Variants in NAA25 observed in about 807,000 individuals in gnomAD.
NAA25 encodes N-terminal acetyltransferase B complex subunit NAA25.
In NAA25, 30 loss-of-function variants were observed where a neutral mutation model predicts 132.5. The ratio of observed to expected loss-of-function variants is 0.23; its 90% CI spans 0.17 to 0.31. The LOEUF (loss-of-function observed/expected upper bound fraction) is 0.31, where lower values mean the gene tolerates loss of function less well. Ranked by LOEUF, NAA25 falls within the 10% of genes least tolerant of loss-of-function variation. The probability of loss-of-function intolerance (pLI) is 1.00; values close to 1 mark genes in which losing one functional copy is unlikely to be tolerated. For missense variants in NAA25, 771 were observed against 1,150.4 expected, an observed-to-expected ratio of 0.67 and a Z score of 4.77; for synonymous variants, 359 against 401.9, an observed-to-expected ratio of 0.89 and a Z score of 1.28.
chr12:112,064,973 G>A (rs1445974852), intron 11 of NAA25, among the ~76,000 whole-genome samples: 3 of 152,202 alleles, frequency 2.0e-5, no homozygotes, highest in African/African-American at 4.8e-5. Context: ...GGTGGAGGTT[G>A]CAGTGAGCCG....
At chr12:112,051,053 G>C (rs1305561758) in intron 15 of NAA25, among the ~76,000 whole-genome samples, 1 of 152,166 alleles carries the variant, frequency 6.6e-6, no homozygotes, top group African/African-American at 2.4e-5. Flanking sequence ...GATTTGAAGA[G>C]AGATATTTCT....
rs759148501 is a variant in NAA25, at chr12:112,086,073, T to TATATATATATATATATATATACAC, written c.402+1609_402+1610insGTGTATATATATATATATATATAT. Reference sequence around the variant, plus strand: ...AAAAATATATATATATATATATATATACACACACACACACACACACACACA... The same window carrying TATATATATATATATATATATACAC: ...AAAAATATATATATATATATATATATATATATATATATATATATATACACACACACACACACACACACACACACA... On this transcript the variant is annotated intron_variant, in intron 4 of 23. Transcript: ENST00000261745. 1.7e-4 allele frequency among the ~76,000 whole-genome samples: 9 copies of TATATATATATATATATATATACAC among 53,980 alleles called. No homozygotes were observed. The South Asian group carries it at 3.0e-3, about 18-fold the overall frequency. The allele number at this position is 53,980 out of a possible 152,430, so 35.4% of individuals were successfully genotyped here.
chr12:112,054,007 TAA>T (rs2078507888), intron 14 of NAA25, among the ~76,000 whole-genome samples: 2 of 152,130 alleles, frequency 1.3e-5, no homozygotes, highest in South Asian at 4.1e-4. Flanking sequence ...AGCATAATAA[TAA>T]AGAGTAGTCT....
At chr12:112,072,635 A>T (rs949166312) in intron 9 of NAA25, among the ~76,000 whole-genome samples, 1 of 149,712 alleles carries the variant, frequency 6.7e-6, no homozygotes, top group African/African-American at 2.5e-5. Context: ...AAAGAAAAAA[A>T]AATTGCCTAA....
chr12:112,080,345 A>G (rs2078955303), intron 5 of NAA25, among the ~76,000 whole-genome samples: 1 of 150,606 alleles, frequency 6.6e-6, no homozygotes, highest in African/African-American at 2.4e-5. Context: ...TGACAACACA[A>G]AGTCCCTGTT....
chr12:112,097,951 C>T (rs2079238451), intron 1 of NAA25, among the ~76,000 whole-genome samples: 1 of 151,752 alleles, frequency 6.6e-6, no homozygotes, highest in Non-Finnish European at 1.5e-5. Context: ...AACCCCGTCT[C>T]TACCAAAAAA....
At chr12:112,088,167 C>CT (rs1269848903) in intron 3 of NAA25, among the ~76,000 whole-genome samples, 1 of 152,154 alleles carries the variant, frequency 6.6e-6, no homozygotes, top group Non-Finnish European at 1.5e-5. Flanking sequence ...CCTTTTCTCT[C>CT]TTTTATCTTA....
intron 9 of NAA25, among the ~76,000 whole-genome samples, chr12:112,073,183 C>T (rs2078840744): frequency 6.6e-6 from 1 of 151,416 alleles, no homozygotes; most frequent in Non-Finnish European, 1.5e-5. Context: ...TGCAGTGAGC[C>T]AAGATCACAC....
Position 112,042,069 on chromosome 12 carries a change from T to G in NAA25, c.2410A>C (p.Ser804Arg). Reference protein sequence around the residue: ...TMEIQERIENSFKSLLDQLKD... With the variant: ...TMEIQERIENRFKSLLDQLKD... ...AACTGGTCTAGTAAAGACTTAAAAC[T>G]ATTTTCTATTCGTTCCTGAATCTCC... is the stretch of plus-strand genomic sequence containing the variant. Residue 804 changes from serine (S) to arginine (R), a missense_variant, in exon 20 of 24, where the codon AGT becomes CGT. Transcript: ENST00000261745. 6.7e-7 allele frequency: 1 copy of G among 1,484,556 alleles called. No individual in the cohort carries two copies. The highest frequency in any genetic ancestry group is 8.9e-7 in the Non-Finnish European group (1 of 1,119,766). 92.0% of individuals were successfully genotyped at this position (1,484,556 alleles called of 1,614,324 possible). A position where few individuals can be genotyped will look rare whatever the true frequency, so the allele number is the denominator to read the frequency against.
chr12:112,099,978 C>T (rs182601968), intron 1 of NAA25, among the ~76,000 whole-genome samples: 12 of 152,242 alleles, frequency 7.9e-5, no homozygotes, highest in Admixed American at 2.6e-4. Context: ...AACACAATAT[C>T]CTTTACTTAA....
At chr12:112,087,205 C>CA (rs1273596900) in intron 4 of NAA25, among the ~76,000 whole-genome samples, 2 of 150,002 alleles carry the variant, frequency 1.3e-5, no homozygotes, top group Admixed American at 1.3e-4. Flanking sequence ...AACCAAAAAA[C>CA]AAAAAACAAA....
intron 2 of NAA25, 146 bp from the exon 3 acceptor site, chr12:112,091,010 G>C: frequency 1.4e-6 from 1 of 729,116 alleles, no homozygotes; most frequent in Non-Finnish European, 2.2e-6. Context: ...GCTCACATCT[G>C]TAATCCCGGC....
intron 1 of NAA25, among the ~76,000 whole-genome samples, chr12:112,102,049 A>G (rs1426344320): frequency 6.6e-6 from 1 of 151,530 alleles, no homozygotes; most frequent in Non-Finnish European, 1.5e-5. Context: ...TTGTATTTTT[A>G]GTAGAGATGG....
intron 11 of NAA25, among the ~76,000 whole-genome samples, chr12:112,065,198 T>C (rs2078698152): frequency 6.7e-6 from 1 of 149,820 alleles, no homozygotes; most frequent in Non-Finnish European, 1.5e-5. Flanking sequence ...CCATCACTAC[T>C]AAAAATACAA....
chr12:112,040,274 TACC>T, intron 21 of NAA25: 1 of 431,232 alleles, frequency 2.3e-6, no homozygotes, highest in Non-Finnish European at 4.1e-6. Flanking sequence ...CAAGAAGTTT[TACC>T]TAAGTATTAT....
rs2079160969 is a variant in NAA25, at chr12:112,093,148, C to G, written c.59-12G>C. The stretch of plus-strand genomic sequence containing the variant: ...ATTGTCAAGATAATCTATGAAAAAA[C>G]AAATTATGTGACAGTTATTATATTC... On this transcript the variant is annotated splice_polypyrimidine_tract_variant and intron_variant, in intron 1 of 23. Coordinates refer to ENST00000261745, the MANE Select transcript of NAA25 (RefSeq NM_024953.4). The G allele has an allele frequency of 3.4e-6, 5 of 1,467,818 alleles. No homozygotes were observed. The South Asian group carries it at 5.8e-5, about 17-fold the overall frequency. 90.9% of individuals were successfully genotyped at this position (1,467,818 alleles called of 1,614,324 possible). A position where few individuals can be genotyped will look rare whatever the true frequency, so the allele number is the denominator to read the frequency against.
At chr12:112,050,559 T>A (rs1417985742) in intron 15 of NAA25, among the ~76,000 whole-genome samples, 1 of 150,770 alleles carries the variant, frequency 6.6e-6, no homozygotes, top group Non-Finnish European at 1.5e-5. Context: ...CATCCAAGAG[T>A]GACAGCTGGA....
At chr12:112,040,931 A>G (rs1419442079) in intron 20 of NAA25, among the ~76,000 whole-genome samples, 2 of 152,228 alleles carry the variant, frequency 1.3e-5, no homozygotes, top group Admixed American at 1.3e-4. Flanking sequence ...AGACCAAAAA[A>G]GTACATTGTA....
intron 3 of NAA25, among the ~76,000 whole-genome samples, chr12:112,088,461 T>C (rs2079086733): frequency 6.7e-6 from 1 of 150,038 alleles, no homozygotes; most frequent in Non-Finnish European, 1.5e-5. Context: ...CAAGTAGCTG[T>C]TCTGCAGGCA....
Sources: allele counts gnomAD v4.1 joint callset (sites outside exome capture counted in the v4.1 genomes callset), GRCh38; gene constraint gnomAD v4.1.1; transcripts MANE v1.5; gene names NCBI Gene and HGNC (gene_info 2026-07-23, HGNC 2026-07-21).